RBFOX1: variants seen among roughly 807,000 people sequenced by gnomAD.
RBFOX1 encodes RNA binding fox-1 homolog 1.
A neutral mutation model predicts 57.7 loss-of-function variants in RBFOX1; 8 were observed. The ratio of observed to expected loss-of-function variants is 0.14; its 90% CI spans 0.08 to 0.25. The LOEUF is 0.25. Ranked by LOEUF, RBFOX1 falls within the 10% of genes least tolerant of loss-of-function variation. The pLI is 1.00. For synonymous variants in RBFOX1, 326 were observed against 222.4 expected (o/e 1.47, Z -4.15); for missense variants, 611 against 548.5 (o/e 1.11, Z -1.14).
intron 3 of RBFOX1, among the ~76,000 whole-genome samples, chr16:5,755,723 G>C (rs933800216): frequency 6.6e-6 from 1 of 152,050 alleles, no homozygotes; most frequent in African/African-American, 2.4e-5. Flanking sequence ...CTCGGCCTCC[G>C]AAGTAGCTGG....
At chr16:5,756,148 G>C (rs2053385868) in intron 3 of RBFOX1, among the ~76,000 whole-genome samples, 1 of 138,906 alleles carries the variant, frequency 7.2e-6, no homozygotes, top group Non-Finnish European at 1.5e-5. Flanking sequence ...TTACAAACCA[G>C]AAGGTTCCAT....
chr16:6,610,909 A>T (rs1195579758), intron 2 of RBFOX1, among the ~76,000 whole-genome samples: 1 of 152,198 alleles, frequency 6.6e-6, no homozygotes, highest in African/African-American at 2.4e-5. Flanking sequence ...CTGATAACAT[A>T]TCTTAATATA....
intron 3 of RBFOX1, among the ~76,000 whole-genome samples, chr16:5,747,323 A>G (rs1361908305): frequency 1.3e-5 from 2 of 152,176 alleles, no homozygotes; most frequent in African/African-American, 2.4e-5. Flanking sequence ...AATGTTCATC[A>G]GGGATATTGG....
At chr16:5,828,054 C>T (rs945552059) in intron 3 of RBFOX1, among the ~76,000 whole-genome samples, 2 of 151,614 alleles carry the variant, frequency 1.3e-5, no homozygotes, top group Non-Finnish European at 2.9e-5. Context: ...TCCATCTACC[C>T]ACCCATCCAT....
chr16:6,632,797 G>A (rs2098400807), intron 2 of RBFOX1, among the ~76,000 whole-genome samples: 1 of 152,190 alleles, frequency 6.6e-6, no homozygotes, highest in African/African-American at 2.4e-5. Flanking sequence ...TATCAGCCTT[G>A]GCTCTTCTTT....
At chr16:6,020,426 A>G (rs562889420) in intron 1 of RBFOX1, among the ~76,000 whole-genome samples, 110 of 152,204 alleles carry the variant, frequency 7.2e-4, no homozygotes, top group African/African-American at 2.5e-3. Context: ...GAGGCATCTT[A>G]GTGACCCGGG....
chr16:7,247,413 G>C (rs575786895), intron 4 of RBFOX1, among the ~76,000 whole-genome samples: 1 of 152,228 alleles, frequency 6.6e-6, no homozygotes, highest in South Asian at 2.1e-4. Flanking sequence ...CCTCTATGGT[G>C]ATCTACCACA....
chr16:7,001,442 G>C (rs892692843), intron 3 of RBFOX1, among the ~76,000 whole-genome samples: 2 of 151,082 alleles, frequency 1.3e-5, no homozygotes, highest in Admixed American at 6.6e-5. Context: ...ATATGTATAT[G>C]TATATGTATA....
intron 3 of RBFOX1, among the ~76,000 whole-genome samples, chr16:5,701,030 G>C (rs2051027833): frequency 6.6e-6 from 1 of 152,186 alleles, no homozygotes; most frequent in South Asian, 2.1e-4. Flanking sequence ...CTGCAAATAT[G>C]CTGTGTTCTT....
chr16:7,184,562 C>A (rs1426388089), intron 4 of RBFOX1, among the ~76,000 whole-genome samples: 2 of 152,184 alleles, frequency 1.3e-5, no homozygotes, highest in African/African-American at 2.4e-5. Flanking sequence ...ATTGGCTGTG[C>A]CTTTGTGACA....
At chr16:5,756,059 G>A (rs2053382438) in intron 3 of RBFOX1, among the ~76,000 whole-genome samples, 2 of 151,950 alleles carry the variant, frequency 1.3e-5, no homozygotes, top group South Asian at 4.1e-4. Context: ...TCTTAAGCAG[G>A]TGATTCTCCT....
chr16:5,637,928 C>G (rs923362995), intron 3 of RBFOX1, among the ~76,000 whole-genome samples: 7 of 152,172 alleles, frequency 4.6e-5, no homozygotes, highest in African/African-American at 1.7e-4. Flanking sequence ...ACCAAGCCTT[C>G]TTTTGAAAAA....
intron 1 of RBFOX1, among the ~76,000 whole-genome samples, chr16:5,334,431 T>C (rs1374028368): frequency 1.3e-5 from 2 of 152,112 alleles, no homozygotes; most frequent in Non-Finnish European, 2.9e-5. Flanking sequence ...TCAGACTGTA[T>C]GGAATTCTCT....
chr16:6,701,043 G>A (rs967748457), intron 3 of RBFOX1, among the ~76,000 whole-genome samples: 1 of 151,034 alleles, frequency 6.6e-6, no homozygotes, highest in Non-Finnish European at 1.5e-5. Context: ...AGAGGGGGGG[G>A]TGAGTCAGAC....
chr16:5,790,882 T>G (rs1754965962), intron 3 of RBFOX1, among the ~76,000 whole-genome samples: 1 of 151,656 alleles, frequency 6.6e-6, no homozygotes, highest in African/African-American at 2.4e-5. Flanking sequence ...TTGTTTTTTT[T>G]TTTTGAGACA....
intron 3 of RBFOX1, among the ~76,000 whole-genome samples, chr16:5,827,199 A>G (rs2056089710): frequency 6.6e-6 from 1 of 152,076 alleles, no homozygotes; most frequent in Non-Finnish European, 1.5e-5. Context: ...CAAGAATTCG[A>G]GACCAGCCTG....
chr16:5,979,890 A>G (rs1307140862), intron 4 of RBFOX1, among the ~76,000 whole-genome samples: 1 of 152,194 alleles, frequency 6.6e-6, no homozygotes, highest in Non-Finnish European at 1.5e-5. Flanking sequence ...AGTGTATTTA[A>G]GGTGCAAGAG....
At chr16:6,916,283 C>A (rs756020035) in intron 3 of RBFOX1, among the ~76,000 whole-genome samples, 1 of 152,158 alleles carries the variant, frequency 6.6e-6, no homozygotes, top group African/African-American at 2.4e-5. Flanking sequence ...GTTGTTTCCA[C>A]AGGATACCAT....
In RBFOX1 at chr16:5,956,678, A is replaced by ATTTTTTT. The variant is rs34743228; in HGVS notation, c.351+89345_351+89351dup. On this transcript the variant is annotated intron_variant, in intron 4 of 19. Transcript: ENST00000641259. ...TATATTTATATATATATATATATAT[A>ATTTTTTT]TTTTTTTTGAGGCACAGTCTCATCC... 1.6e-3 allele frequency among the ~76,000 whole-genome samples: 190 copies of ATTTTTTT among 116,458 alleles called. 2 individuals carry two copies. The highest frequency in any genetic ancestry group is 5.2e-3 in the African/African-American group (149 of 28,916). The allele number at this position is 116,458 out of a possible 152,430, so 76.4% of individuals were successfully genotyped here.
Sources: gnomAD v4.1 joint callset for allele counts (sites outside exome capture counted in the v4.1 genomes callset) on GRCh38, gnomAD v4.1.1 for gene constraint, MANE v1.5 for transcripts, NCBI Gene and HGNC (gene_info 2026-07-23, HGNC 2026-07-21) for gene names.